The following SH3PXD2B variants were observed in gnomAD, a reference collection of about 807,000 sequenced individuals.
The protein encoded by SH3PXD2B is SH3 and PX domains 2B.
SH3PXD2B carries 37 observed loss-of-function variants against 73.1 expected under a neutral mutation model. That is an observed-to-expected ratio of 0.51 (90% CI 0.39 to 0.67). The LOEUF is 0.67. Among genes scored for constraint, SH3PXD2B ranks in the 30% least tolerant of loss-of-function variants. SH3PXD2B has a pLI of 0.00. For synonymous variants in SH3PXD2B, 457 were observed against 480.5 expected, an observed-to-expected ratio of 0.95 and a Z score of 0.64; for missense variants, 1,053 against 1,197.8, an observed-to-expected ratio of 0.88 and a Z score of 1.78.
chr5:172,424,567 T>C (rs554348472), intron 1 of SH3PXD2B, among the ~76,000 whole-genome samples: 38 of 152,310 alleles, frequency 2.5e-4, no homozygotes, highest in African/African-American at 9.1e-4. Context: ...AGGAGAAGGT[T>C]CTTCAGGTGA....
chr5:172,399,581 C>T (rs993174409), intron 3 of SH3PXD2B, among the ~76,000 whole-genome samples: 3 of 152,172 alleles, frequency 2.0e-5, no homozygotes, highest in African/African-American at 7.2e-5. Flanking sequence ...CACCAAATCA[C>T]AATGGGTCTG....
intron 1 of SH3PXD2B, among the ~76,000 whole-genome samples, chr5:172,443,791 T>C (rs532672723): frequency 2.0e-5 from 3 of 152,240 alleles, no homozygotes; most frequent in Non-Finnish European, 4.4e-5. Flanking sequence ...CGGGGGGCCA[T>C]GCAATTCTGC....
intron 6 of SH3PXD2B, among the ~76,000 whole-genome samples, chr5:172,369,598 TCTGTACTAAACA>T (rs1189372724): frequency 6.6e-6 from 1 of 152,116 alleles, no homozygotes; most frequent in East Asian, 1.9e-4. Flanking sequence ...TGAAATCCCG[TCTGTACTAAACA>T]TGCAAAAATT....
At chr5:172,327,160 T>C (rs1374158612) in intron 12 of SH3PXD2B, among the ~76,000 whole-genome samples, 2 of 152,154 alleles carry the variant, frequency 1.3e-5, no homozygotes, top group Admixed American at 1.3e-4. Context: ...GCGCCTGGCC[T>C]GAAGATTGTT....
chr5:172,404,334 G>A (rs1053402401), intron 3 of SH3PXD2B, among the ~76,000 whole-genome samples: 3 of 151,764 alleles, frequency 2.0e-5, no homozygotes, highest in Non-Finnish European at 4.4e-5. Context: ...TTGAGATAGA[G>A]TTTCACTCTT....
At chr5:172,389,108 T>G (rs1581300107) in intron 4 of SH3PXD2B, among the ~76,000 whole-genome samples, 1 of 150,218 alleles carries the variant, frequency 6.7e-6, no homozygotes, top group Non-Finnish European at 1.5e-5. Flanking sequence ...CAGGCTGGAG[T>G]GTAATGGCAT....
chr5:172,395,010 G>T (rs1758264180), intron 3 of SH3PXD2B, among the ~76,000 whole-genome samples: 1 of 152,182 alleles, frequency 6.6e-6, no homozygotes, highest in Non-Finnish European at 1.5e-5. Context: ...GAACAGTACA[G>T]TGGACAAACA....
At chr5:172,343,746 A>T (rs575810976) in intron 12 of SH3PXD2B, among the ~76,000 whole-genome samples, 4 of 152,068 alleles carry the variant, frequency 2.6e-5, no homozygotes, top group Non-Finnish European at 2.9e-5. Context: ...TGGAGGTTGC[A>T]GCGAGCCAAG....
chr5:172,438,933 T>G (rs1052923143), intron 1 of SH3PXD2B, among the ~76,000 whole-genome samples: 1 of 147,936 alleles, frequency 6.8e-6, no homozygotes, highest in Admixed American at 6.6e-5. Flanking sequence ...CATGCTTTAA[T>G]GTCATTAAAA....
chr5:172,383,681 C>G (rs919003170), intron 4 of SH3PXD2B, among the ~76,000 whole-genome samples: 1 of 152,170 alleles, frequency 6.6e-6, no homozygotes, highest in Non-Finnish European at 1.5e-5. Context: ...ACAGGTGATT[C>G]TGCCAGCCAA....
chr5:172,439,143 G>A (rs545634548), intron 1 of SH3PXD2B, among the ~76,000 whole-genome samples: 2 of 151,552 alleles, frequency 1.3e-5, no homozygotes, highest in East Asian at 1.9e-4. Flanking sequence ...AGGAGGCTAA[G>A]GTGGGAGAAT....
Position 172,406,259 on chromosome 5 carries a change from A to G in SH3PXD2B, c.232+18T>C. ...AGAGCCCCCAGTGTCCCAGTCTGAG[A>G]GCACCCATCTCACCTACCTGGCAGA... On this transcript the variant is annotated intron_variant, in intron 3 of 12. Coordinates refer to ENST00000311601, the MANE Select transcript of SH3PXD2B (RefSeq NM_001017995.3). The G allele has an allele frequency of 6.2e-7, 1 of 1,613,670 alleles. No individual in the cohort carries two copies. The highest frequency in any genetic ancestry group is 8.5e-7 in the Non-Finnish European group (1 of 1,179,684).
At chr5:172,348,679 C>CTTATCT (rs1214044575) in intron 10 of SH3PXD2B, among the ~76,000 whole-genome samples, 7 of 129,438 alleles carry the variant, frequency 5.4e-5, no homozygotes, top group Admixed American at 3.0e-4. Flanking sequence ...ATCTATCTAT[C>CTTATCT]TATCTATCTA....
intron 1 of SH3PXD2B, among the ~76,000 whole-genome samples, chr5:172,433,694 C>T (rs931123194): frequency 3.2e-4 from 48 of 152,246 alleles, no homozygotes; most frequent in African/African-American, 1.1e-3. Flanking sequence ...GGCCCCAACC[C>T]GGAACTTACT....
At chr5:172,382,957 C>T (rs976986849) in intron 4 of SH3PXD2B, among the ~76,000 whole-genome samples, 2 of 151,366 alleles carry the variant, frequency 1.3e-5, no homozygotes, top group Non-Finnish European at 2.9e-5. Context: ...AGGCTGGTCT[C>T]GAACTCCCGG....
chr5:172,345,172 T>C (rs1174964215), intron 12 of SH3PXD2B, among the ~76,000 whole-genome samples: 1 of 148,328 alleles, frequency 6.7e-6, no homozygotes, highest in Non-Finnish European at 1.5e-5. Context: ...TAGTCCTTCC[T>C]GGAATATAGC....
At chr5:172,443,047 C>T (rs1322044013) in intron 1 of SH3PXD2B, among the ~76,000 whole-genome samples, 1 of 152,112 alleles carries the variant, frequency 6.6e-6, no homozygotes, top group East Asian at 1.9e-4. Flanking sequence ...CACATAGATC[C>T]CAAATGAAAC....
Position 172,422,548 on chromosome 5 carries a change from A to G in SH3PXD2B, c.76-52T>C, listed in dbSNP as rs1758996636. 2.0e-6 allele frequency: 3 copies of G among 1,529,882 alleles called. No individual in the cohort carries two copies. In the African/African-American group the frequency reaches 4.1e-5, roughly 21 times the overall value. 94.8% of individuals were successfully genotyped at this position (1,529,882 alleles called of 1,614,324 possible). On this transcript the variant is annotated intron_variant, in intron 1 of 12. Coordinates refer to ENST00000311601, the MANE Select transcript of SH3PXD2B (RefSeq NM_001017995.3). Reference sequence around the variant, plus strand: ...GTTAACACCAGAAGGTGGTCTCCCAATCTCTGGGACCCAGGGGGAGCACAA... The same window carrying G: ...GTTAACACCAGAAGGTGGTCTCCCAGTCTCTGGGACCCAGGGGGAGCACAA...
intron 10 of SH3PXD2B, among the ~76,000 whole-genome samples, chr5:172,349,736 T>A (rs1483707805): frequency 6.6e-6 from 1 of 152,168 alleles, no homozygotes; most frequent in African/African-American, 2.4e-5. Flanking sequence ...AGGAGTCGAT[T>A]AGACTAATTA....
Sources: gnomAD v4.1 joint callset for allele counts (sites outside exome capture counted in the v4.1 genomes callset) on GRCh38, gnomAD v4.1.1 for gene constraint, MANE v1.5 for transcripts, NCBI Gene and HGNC (gene_info 2026-07-23, HGNC 2026-07-21) for gene names.